The following ZNRF1 variants were observed in gnomAD, a reference collection of about 807,000 sequenced individuals.
The protein encoded by ZNRF1 is E3 ubiquitin-protein ligase ZNRF1.
ZNRF1 carries 3 observed loss-of-function variants against 18.4 expected under a neutral mutation model. The observed-to-expected ratio is 0.16, with a 90% confidence interval of 0.07 to 0.42. The LOEUF is 0.42. Ranked by LOEUF, ZNRF1 falls within the 10% of genes least tolerant of loss-of-function variation. ZNRF1 has a pLI of 0.99. For synonymous variants in ZNRF1, 157 were observed against 144.2 expected, an observed-to-expected ratio of 1.09 and a Z score of -0.64; for missense variants, 310 against 329.8, an observed-to-expected ratio of 0.94 and a Z score of 0.47.
chr16:75,053,589 CA>C (rs56775288), intron 1 of ZNRF1, among the ~76,000 whole-genome samples: 5,724 of 71,568 alleles, frequency 0.08, 172 homozygotes, highest in African/African-American at 0.18. Flanking sequence ...GACTCCATCT[CA>C]AAAAAAAAAA....
chr16:75,035,359 A>T (rs1158895134), intron 1 of ZNRF1, among the ~76,000 whole-genome samples: 1 of 152,180 alleles, frequency 6.6e-6, no homozygotes, highest in African/African-American at 2.4e-5. Context: ...TATAGAAAGT[A>T]TACATTTGAT....
In ZNRF1 at chr16:74,999,475, G is replaced by A; in HGVS notation, c.-197G>A. ...TGGATCGTTTGAAATTCTGAGTTTG[G>A]GATCCCCGCCCGCCCGCCTGCCTCT... On this transcript the variant is annotated 5_prime_UTR_variant, in exon 1 of 5. Transcript: ENST00000335325. The A allele has an allele frequency of 2.4e-6, 1 of 416,712 alleles. No homozygotes were observed. The highest frequency in any genetic ancestry group is 4.1e-6 in the Non-Finnish European group (1 of 241,172). 25.8% of individuals were successfully genotyped at this position (416,712 alleles called of 1,614,324 possible). A position where few individuals can be genotyped will look rare whatever the true frequency, so the allele number is the denominator to read the frequency against.
intron 3 of ZNRF1, chr16:75,105,574 C>G (rs1234205541): frequency 6.6e-6 from 1 of 152,652 alleles, no homozygotes; most frequent in Non-Finnish European, 1.5e-5. Flanking sequence ...CTCAGGGCCA[C>G]TGCTGCACAG....
At chr16:75,051,571 G>C (rs1215527455) in intron 1 of ZNRF1, among the ~76,000 whole-genome samples, 1 of 150,882 alleles carries the variant, frequency 6.6e-6, no homozygotes, top group Non-Finnish European at 1.5e-5. Flanking sequence ...AGGCTAGAGT[G>C]CAGTGGCATG....
chr16:75,022,556 A>T (rs1402142455), intron 1 of ZNRF1, among the ~76,000 whole-genome samples: 1 of 151,170 alleles, frequency 6.6e-6, no homozygotes, highest in Non-Finnish European at 1.5e-5. Context: ...ACAAAGCGAG[A>T]CTCCGTCTCA....
At chr16:75,009,891 G>A (rs547084856) in intron 1 of ZNRF1, among the ~76,000 whole-genome samples, 2 of 152,060 alleles carry the variant, frequency 1.3e-5, no homozygotes, top group South Asian at 4.2e-4. Context: ...ATGAATTAGT[G>A]ATATTGAGCA....
chr16:75,077,000 G>A (rs572223499), intron 1 of ZNRF1, among the ~76,000 whole-genome samples: 13 of 152,146 alleles, frequency 8.5e-5, no homozygotes, highest in South Asian at 4.2e-4. Flanking sequence ...TGTTTAAGCC[G>A]TCCAGTCTGC....
intron 1 of ZNRF1, among the ~76,000 whole-genome samples, chr16:75,008,990 G>C (rs2034960058): frequency 6.6e-6 from 1 of 152,138 alleles, no homozygotes; most frequent in Admixed American, 6.5e-5. Flanking sequence ...TCCTCTCAGT[G>C]AGAATATCAA....
chr16:75,009,917 A>G (rs2034971836), intron 1 of ZNRF1, among the ~76,000 whole-genome samples: 1 of 142,854 alleles, frequency 7.0e-6, no homozygotes, highest in African/African-American at 2.6e-5. Context: ...TCATGTGTTT[A>G]TTGGCCATTT....
chr16:75,062,325 C>A (rs996800974), intron 1 of ZNRF1, among the ~76,000 whole-genome samples: 10 of 152,370 alleles, frequency 6.6e-5, no homozygotes, highest in African/African-American at 2.2e-4. Flanking sequence ...CAAGCACCAG[C>A]CTCTCAAGGC....
intron 2 of ZNRF1, chr16:75,095,814 C>T (rs2036190880): frequency 7.1e-7 from 1 of 1,404,280 alleles, no homozygotes; most frequent in Non-Finnish European, 9.4e-7. Context: ...CCCCCTGTCC[C>T]CCTCTGTATC....
At chr16:75,020,896 G>A (rs1168316194) in intron 1 of ZNRF1, among the ~76,000 whole-genome samples, 1 of 152,102 alleles carries the variant, frequency 6.6e-6, no homozygotes, top group Non-Finnish European at 1.5e-5. Context: ...GAAACTTTCA[G>A]TTCTGTTACA....
intron 2 of ZNRF1, among the ~76,000 whole-genome samples, chr16:75,096,061 C>CGTGTGT (rs56013949): frequency 0.05 from 6,930 of 139,648 alleles, 219 homozygotes; most frequent in South Asian, 0.059. Context: ...TATGTGTGCA[C>CGTGTGT]GTGTGTGTGT....
At position 75,108,719 on chromosome 16, in the gene ZNRF1, G is replaced by A. The variant is rs1024686725; in HGVS notation, c.*1019G>A. On this transcript the variant is annotated 3_prime_UTR_variant, in exon 5 of 5. Coordinates refer to ENST00000335325, the MANE Select transcript of ZNRF1 (RefSeq NM_032268.5). The stretch of plus-strand genomic sequence containing the variant: ...AATGTCTAATAAAAGATGGCACTGC[G>A]TGATTTTATTTTAATGAAGTGTTAT... The A allele has an allele frequency of 5.8e-5, 23 of 394,124 alleles. No individual in the cohort carries two copies. The highest frequency in any genetic ancestry group is 2.3e-4 in the African/African-American group (11 of 48,656). The allele number at this position is 394,124 out of a possible 1,614,324, so 24.4% of individuals were successfully genotyped here. A position where few individuals can be genotyped will look rare whatever the true frequency, so the allele number is the denominator to read the frequency against.
rs373478370 is a variant in ZNRF1, at chr16:75,085,823, T to A, written c.425-7749T>A. On this transcript the variant is annotated intron_variant, in intron 1 of 4. Coordinates refer to ENST00000335325, the MANE Select transcript of ZNRF1 (RefSeq NM_032268.5). ...GAGAGAGAGAGAGAGAGAGAGTGAG[T>A]GTGTGTGTGTGTGTGTGTGTAGAGA... is the stretch of plus-strand genomic sequence containing the variant. Among the ~76,000 whole-genome samples the A allele has an allele frequency of 2.2e-3, 201 of 89,576 alleles. 3 individuals carry two copies. Among genetic ancestry groups the A allele is most frequent in the Admixed American group, 0.013 (119 of 9,026 alleles). 58.8% of individuals were successfully genotyped at this position (89,576 alleles called of 152,430 possible).
chr16:75,062,269 T>C (rs1399034339), intron 1 of ZNRF1, among the ~76,000 whole-genome samples: 2 of 152,192 alleles, frequency 1.3e-5, no homozygotes, highest in Non-Finnish European at 1.5e-5. Context: ...GGAAGCAGCG[T>C]GGAGCACAGC....
At chr16:75,071,665 T>G (rs540966575) in intron 1 of ZNRF1, among the ~76,000 whole-genome samples, 1 of 152,242 alleles carries the variant, frequency 6.6e-6, no homozygotes, top group African/African-American at 2.4e-5. Context: ...CAGACTCCAG[T>G]GCTTGATGAA....
intron 1 of ZNRF1, among the ~76,000 whole-genome samples, chr16:75,020,101 A>C (rs1255641501): frequency 6.6e-6 from 1 of 152,226 alleles, no homozygotes; most frequent in Non-Finnish European, 1.5e-5. Flanking sequence ...TAATTTTGTC[A>C]AACGTGTCTG....
rs796661085 is a variant in ZNRF1 at position 75,079,203 on chromosome 16, C to T, written c.425-14369C>T. On this transcript the variant is annotated intron_variant, in intron 1 of 4. Coordinates refer to ENST00000335325, the MANE Select transcript of ZNRF1 (RefSeq NM_032268.5). Reference sequence around the variant, plus strand: ...TCTCTAGAAAACTGCTTTTGGGGGCCGGGCGCGGTGGCTCATGCCTGTAAT... The same window carrying T: ...TCTCTAGAAAACTGCTTTTGGGGGCTGGGCGCGGTGGCTCATGCCTGTAAT... Among the ~76,000 whole-genome samples the T allele has an allele frequency of 3.5e-4, 54 of 152,258 alleles. 2 individuals are homozygous for T. The highest frequency in any genetic ancestry group is 1.3e-3 in the African/African-American group (52 of 41,542).
Sources: allele counts gnomAD v4.1 joint callset (sites outside exome capture counted in the v4.1 genomes callset), GRCh38; gene constraint gnomAD v4.1.1; transcripts MANE v1.5; gene names NCBI Gene and HGNC (gene_info 2026-07-23, HGNC 2026-07-21).